SORCS1: variants seen among roughly 807,000 people sequenced by gnomAD.
SORCS1 encodes the protein VPS10 domain-containing receptor SorCS1.
In SORCS1, 60 loss-of-function variants were observed where a neutral mutation model predicts 146.1. The ratio of observed to expected loss-of-function variants is 0.41; its 90% confidence interval spans 0.33 to 0.51. The LOEUF (loss-of-function observed/expected upper bound fraction) is 0.51, where lower values mean the gene tolerates loss of function less well. Ranked by LOEUF, SORCS1 falls within the 20% of genes least tolerant of loss-of-function variation. SORCS1 has a pLI of 0.21. For synonymous variants in SORCS1, 637 were observed against 584.0 expected (o/e 1.09, Z -1.31); for missense variants, 1,352 against 1,487.6 (o/e 0.91, Z 1.50).
intron 4 of SORCS1, among the ~76,000 whole-genome samples, chr10:106,764,579 C>G (rs757920542): frequency 6.6e-6 from 1 of 152,184 alleles, no homozygotes; most frequent in Non-Finnish European, 1.5e-5. Flanking sequence ...ACTATCATTA[C>G]TATCTGTCAC....
At chr10:106,681,605 G>A (rs1275495488) in intron 10 of SORCS1, among the ~76,000 whole-genome samples, 1 of 152,176 alleles carries the variant, frequency 6.6e-6, no homozygotes, top group Non-Finnish European at 1.5e-5. Flanking sequence ...GAATAATGTT[G>A]TGAGCATCTG....
chr10:106,878,909 A>G (rs1327821276), intron 2 of SORCS1, among the ~76,000 whole-genome samples: 1 of 151,574 alleles, frequency 6.6e-6, no homozygotes, highest in Non-Finnish European at 1.5e-5. Context: ...GCACTTTGGG[A>G]AGCTGAGGCT....
At chr10:106,900,184 C>T (rs1225169864) in intron 2 of SORCS1, among the ~76,000 whole-genome samples, 3 of 152,098 alleles carry the variant, frequency 2.0e-5, no homozygotes, top group Admixed American at 6.6e-5. Context: ...AAACAGTGAA[C>T]GCTTACCACA....
intron 12 of SORCS1, among the ~76,000 whole-genome samples, chr10:106,677,924 T>G (rs539129594): frequency 3.9e-5 from 6 of 152,204 alleles, no homozygotes; most frequent in African/African-American, 7.2e-5. Context: ...CCAACTGTTA[T>G]CAAAGAAAAC....
intron 1 of SORCS1, among the ~76,000 whole-genome samples, chr10:107,026,884 G>A (rs969231417): frequency 6.6e-6 from 1 of 151,682 alleles, no homozygotes; most frequent in African/African-American, 2.4e-5. Context: ...GCCTACATGT[G>A]CAATTAAATT....
At chr10:106,754,433 A>G (rs988718136) in intron 5 of SORCS1, among the ~76,000 whole-genome samples, 4 of 152,204 alleles carry the variant, frequency 2.6e-5, no homozygotes, top group Non-Finnish European at 5.9e-5. Context: ...CCATAAGCCA[A>G]TATCTCTTTA....
In SORCS1 at chr10:106,574,042, A is replaced by G. The variant is rs1426250247; in HGVS notation, c.*3378T>C. ...AATTAGAAGTAGTTCCAATACTATA[A>G]GAAAACTTTTTTTTTTTTTAATTGG... On this transcript the variant is annotated 3_prime_UTR_variant, in exon 26 of 26. Transcript: ENST00000263054. 7.4e-6 allele frequency: 1 copy of G among 135,762 alleles called. No homozygotes were observed. The highest frequency in any genetic ancestry group is 1.5e-5 in the Non-Finnish European group (1 of 65,872). The allele number at this position is 135,762 out of a possible 1,614,324, so 8.4% of individuals were successfully genotyped here. A position where few individuals can be genotyped will look rare whatever the true frequency, so the allele number is the denominator to read the frequency against.
chr10:107,065,137 G>A (rs1961618280), intron 1 of SORCS1, among the ~76,000 whole-genome samples: 1 of 152,118 alleles, frequency 6.6e-6, no homozygotes, highest in Non-Finnish European at 1.5e-5. Context: ...ATTGATTGAG[G>A]GTGGGGGGAG....
At chr10:106,622,375 A>C (rs1847810889) in intron 19 of SORCS1, among the ~76,000 whole-genome samples, 2 of 150,886 alleles carry the variant, frequency 1.3e-5, no homozygotes, top group Non-Finnish European at 3.0e-5. Context: ...AAAATTTGTG[A>C]GACAGAAGAC....
chr10:106,885,122 C>T (rs1405360185), intron 2 of SORCS1, among the ~76,000 whole-genome samples: 1 of 151,984 alleles, frequency 6.6e-6, no homozygotes, highest in African/African-American at 2.4e-5. Flanking sequence ...GAAGGCTTTA[C>T]AAAACAAGAA....
chr10:106,813,128 CTTTTTTTTT>C (rs71025557), intron 3 of SORCS1, among the ~76,000 whole-genome samples: 6 of 98,722 alleles, frequency 6.1e-5, no homozygotes, highest in African/African-American at 2.4e-4. Context: ...CTTCTCTTTT[CTTTTTTTTT>C]TTTTTTTTTT....
chr10:106,615,339 C>G (rs1847285510), intron 21 of SORCS1, among the ~76,000 whole-genome samples: 1 of 152,214 alleles, frequency 6.6e-6, no homozygotes, highest in Admixed American at 6.5e-5. Context: ...GATTAACTCA[C>G]ACAGATGGTC....
chr10:106,924,500 T>A (rs1253339990), intron 2 of SORCS1, among the ~76,000 whole-genome samples: 1 of 151,930 alleles, frequency 6.6e-6, no homozygotes, highest in Admixed American at 6.6e-5. Flanking sequence ...TATCTATCTA[T>A]CTATCTATCT....
At position 106,829,578 on chromosome 10, in the gene SORCS1, C is replaced by G. The variant is rs148756974; in HGVS notation, c.722G>C (p.Arg241Pro). The G allele has an allele frequency of 6.3e-7, 1 of 1,587,684 alleles. No individual in the cohort carries two copies. The highest frequency in any genetic ancestry group is 8.6e-7 in the Non-Finnish European group (1 of 1,159,476). The change falls in exon 3 of 26, where the codon CGT (arginine) becomes CCT (proline). Residue 241 changes from arginine (R) to proline (P), a missense_variant. By Grantham distance (103) the Arg-to-Pro change is moderately radical. This residue lies in a region of SORCS1 where 490 missense variants were observed against 489.1 expected (regional missense o/e 1.00). Coordinates refer to ENST00000263054, the MANE Select transcript of SORCS1 (RefSeq NM_052918.5). ...SYLYVCPTNK[R>P]KIMLLTDPEI... is the part of the protein sequence containing the mutation. ...TGCTGAATATACATTTCTTACCTTACGCTTGTTGGTAGGACACACATAGAG... is the reference window on the plus strand; with the variant it reads ...TGCTGAATATACATTTCTTACCTTAGGCTTGTTGGTAGGACACACATAGAG...
intron 2 of SORCS1, among the ~76,000 whole-genome samples, chr10:106,880,668 G>A (rs1484374459): frequency 6.6e-6 from 1 of 152,068 alleles, no homozygotes; most frequent in Non-Finnish European, 1.5e-5. Flanking sequence ...AAACTCCAGA[G>A]GATAAACAAA....
chr10:106,967,165 A>G (rs1278128430), intron 1 of SORCS1, among the ~76,000 whole-genome samples: 1 of 151,608 alleles, frequency 6.6e-6, no homozygotes, highest in African/African-American at 2.4e-5. Context: ...CACATTGCCA[A>G]ACCAGAGAGT....
At chr10:106,813,124 TTTTC>T (rs1947556021) in intron 3 of SORCS1, among the ~76,000 whole-genome samples, 2 of 142,442 alleles carry the variant, frequency 1.4e-5, no homozygotes, top group African/African-American at 5.3e-5. Flanking sequence ...TTTTCTTCTC[TTTTC>T]TTTTTTTTTT....
intron 2 of SORCS1, among the ~76,000 whole-genome samples, chr10:106,895,732 T>C (rs1233362916): frequency 6.6e-6 from 1 of 152,154 alleles, no homozygotes; most frequent in Non-Finnish European, 1.5e-5. Flanking sequence ...TGGAGGTTCC[T>C]TAAAAAATTA....
chr10:107,022,094 A>G (rs1005180191), intron 1 of SORCS1, among the ~76,000 whole-genome samples: 2 of 152,144 alleles, frequency 1.3e-5, no homozygotes, highest in African/African-American at 4.8e-5. Flanking sequence ...CCTCATTTCC[A>G]GGATGGAGGA....
Sources: gnomAD v4.1 joint callset for allele counts (sites outside exome capture counted in the v4.1 genomes callset) on GRCh38, gnomAD v4.1.1 for gene constraint, gnomAD v4.1.1 regional missense constraint, MANE v1.5 for transcripts, NCBI Gene and HGNC (gene_info 2026-07-23, HGNC 2026-07-21) for gene names.